The following DHX15 variants were observed in gnomAD, a reference collection of about 807,000 sequenced individuals.
The protein encoded by DHX15 is DEAH-box helicase 15, also known as ATP-dependent RNA helicase DHX15.
Under a neutral mutation model 94.4 loss-of-function variants are expected in DHX15, and 11 were observed. That is an observed-to-expected ratio of 0.12 (90% CI 0.07 to 0.19). DHX15 has a LOEUF of 0.19. Among genes scored for constraint, DHX15 ranks in the 10% least tolerant of loss-of-function variants. The pLI is 1.00. For missense variants in DHX15, 304 were observed against 988.5 expected (o/e 0.31, Z 9.29); for synonymous variants, 338 against 329.9 (o/e 1.02, Z -0.27).
At chr4:24,533,971 T>C (rs992937181) in intron 11 of DHX15, 27 of 152,256 alleles carry the variant, frequency 1.8e-4, no homozygotes, top group Admixed American at 1.4e-3. Context: ...CTACCAGTTA[T>C]AGTGTATAAC....
At chr4:24,553,060 C>T (rs1196857967) in intron 5 of DHX15, among the ~76,000 whole-genome samples, 1 of 152,202 alleles carries the variant, frequency 6.6e-6, no homozygotes, top group Admixed American at 6.5e-5. Context: ...CAGTGGCTCA[C>T]GCCTGTAATC....
At chr4:24,583,023 A>C (rs1216362688) in intron 1 of DHX15, among the ~76,000 whole-genome samples, 1 of 152,182 alleles carries the variant, frequency 6.6e-6, no homozygotes, top group Non-Finnish European at 1.5e-5. Flanking sequence ...CCTGGCTTAT[A>C]CTCTACAATG....
Position 24,540,126 on chromosome 4 carries a change from T to C in DHX15, c.1768A>G (p.Ile590Val), listed in dbSNP as rs1040977788. The C allele has an allele frequency of 6.9e-6, 11 of 1,596,350 alleles. No individual in the cohort carries two copies. Among genetic ancestry groups the C allele is most frequent in the Non-Finnish European group, 9.4e-6 (11 of 1,171,184 alleles). The change falls in exon 10 of 14, where the codon ATT (isoleucine) becomes GTT (valine). Residue 590 changes from isoleucine to valine, a missense_variant. Ile to Val is a conservative substitution (Grantham distance 29, BLOSUM62 3). Transcript: ENST00000336812. The part of the protein sequence containing the change: ...DYNCSNEVLS[I>V]TAMLSVPQCF... ...CTATTACCTGACAACATAGCAGTAA[T>C]AGATAGGACCTCATTAGAACAGTTG... is the stretch of plus-strand genomic sequence containing the variant.
intron 3 of DHX15, among the ~76,000 whole-genome samples, chr4:24,562,832 C>A (rs948547446): frequency 6.6e-6 from 1 of 152,116 alleles, no homozygotes; most frequent in South Asian, 2.1e-4. Context: ...GAATCTTTCA[C>A]ACACACAGAA....
Position 24,537,224 on chromosome 4 carries a change from C to T in DHX15, c.1787-51G>A, listed in dbSNP as rs767334764. ...CACAAACGCCCATATCGATGAGTCA[C>T]GCATTCACAGATAGAGGAACAAGGC... is the stretch of plus-strand genomic sequence containing the variant. On this transcript the variant is annotated intron_variant, in intron 10 of 13. Coordinates refer to ENST00000336812, the MANE Select transcript of DHX15 (RefSeq NM_001358.3). The surrounding 1 kb of genome is among the most constrained non-coding windows in gnomAD (Gnocchi z 4.7). The T allele has an allele frequency of 1.9e-6, 3 of 1,608,822 alleles. No homozygotes were observed. Among genetic ancestry groups the T allele is most frequent in the South Asian group, 1.1e-5 (1 of 90,406 alleles).
chr4:24,537,390 G>A lies in DHX15; in HGVS notation c.1787-217C>T, dbSNP rs760743986. The A allele has an allele frequency of 2.2e-6, 1 of 455,402 alleles. No homozygotes were observed. The highest frequency in any genetic ancestry group is 2.0e-5 in the African/African-American group (1 of 49,624). The allele number at this position is 455,402 out of a possible 1,614,324, so 28.2% of individuals were successfully genotyped here. ...AGGGTTTCAAAGCTACAGAGTACCT[G>A]ATTATTTTAACTAGATCTAAAAGTA... On this transcript the variant is annotated intron_variant, in intron 10 of 13. Coordinates refer to ENST00000336812, the MANE Select transcript of DHX15 (RefSeq NM_001358.3). The surrounding 1 kb of genome is among the most constrained non-coding windows in gnomAD (Gnocchi z 4.7).
intron 5 of DHX15, among the ~76,000 whole-genome samples, chr4:24,553,278 G>A (rs913498244): frequency 6.6e-6 from 1 of 151,602 alleles, no homozygotes; most frequent in Non-Finnish European, 1.5e-5. Context: ...CCGAGATCGC[G>A]CCACTGCACT....
chr4:24,570,106 G>A (rs1197171670), intron 3 of DHX15, among the ~76,000 whole-genome samples: 5 of 152,196 alleles, frequency 3.3e-5, no homozygotes, highest in South Asian at 2.1e-4. Flanking sequence ...ACATTAGAAA[G>A]CTCAATACAG....
intron 7 of DHX15, among the ~76,000 whole-genome samples, chr4:24,542,254 C>T (rs1277857982): frequency 6.6e-6 from 1 of 152,122 alleles, no homozygotes; most frequent in Non-Finnish European, 1.5e-5. Context: ...GTCAAACACA[C>T]AGCTTATATA....
At chr4:24,555,974 G>A (rs1721730648) in intron 4 of DHX15, among the ~76,000 whole-genome samples, 1 of 152,158 alleles carries the variant, frequency 6.6e-6, no homozygotes, top group Non-Finnish European at 1.5e-5. Context: ...GAAGGGTACA[G>A]TGAGTAGCAC....
chr4:24,562,924 T>C (rs1721914826), intron 3 of DHX15, among the ~76,000 whole-genome samples: 1 of 152,148 alleles, frequency 6.6e-6, no homozygotes, highest in African/African-American at 2.4e-5. Flanking sequence ...TGTCTTAAAT[T>C]CCAGAAAAAC....
intron 11 of DHX15, among the ~76,000 whole-genome samples, chr4:24,534,622 TAG>T (rs1387563849): frequency 2.6e-5 from 4 of 152,162 alleles, no homozygotes; most frequent in African/African-American, 9.7e-5. Context: ...GTCTGATTTT[TAG>T]AGAGAAATCT....
intron 11 of DHX15, among the ~76,000 whole-genome samples, chr4:24,536,566 C>T (rs549615914): frequency 1.6e-4 from 25 of 152,224 alleles, no homozygotes; most frequent in African/African-American, 6.0e-4. Flanking sequence ...CTTGGGCTAA[C>T]AGTAGAGCTG....
chr4:24,549,859 C>T (rs1209746674), intron 5 of DHX15, among the ~76,000 whole-genome samples: 3 of 151,756 alleles, frequency 2.0e-5, no homozygotes, highest in Non-Finnish European at 2.9e-5. Context: ...TTTGGGAGGC[C>T]GAGGTGGGCG....
At chr4:24,533,524 C>T (rs1293084231) in intron 11 of DHX15, 2 of 160,436 alleles carry the variant, frequency 1.2e-5, no homozygotes, top group African/African-American at 4.8e-5. Context: ...TTTATTGCGA[C>T]ACACGTGTCT....
At chr4:24,569,219 ATAAAT>A (rs1456160197) in intron 3 of DHX15, among the ~76,000 whole-genome samples, 1 of 152,246 alleles carries the variant, frequency 6.6e-6, no homozygotes, top group Non-Finnish European at 1.5e-5. Flanking sequence ...GGACAGGGAA[ATAAAT>A]TAAGATTGGA....
intron 2 of DHX15, among the ~76,000 whole-genome samples, chr4:24,572,056 T>C (rs1471279492): frequency 6.6e-6 from 1 of 152,230 alleles, no homozygotes; most frequent in Non-Finnish European, 1.5e-5. Context: ...TTCAAAGATC[T>C]AGAAAGTGAA....
Position 24,527,937 on chromosome 4 carries a change from TA to T in DHX15, c.2374del (p.Tyr792IlefsTer9), listed in dbSNP as rs762778948. On this transcript the variant is annotated frameshift_variant, in exon 14 of 14. Transcript: ENST00000336812. LOFTEE classifies it high-confidence loss of function. ...RIIAKLQSKE[Y>X]SQY The stretch of plus-strand genomic sequence containing the variant: ...TAAGCACTGAATTCAGTACTGTGAA[TA>T]TTCCTTGGATTGAAGTTTGGCAATG... 4.3e-6 allele frequency: 7 copies of T among 1,611,610 alleles called. No individual in the cohort carries two copies. The Admixed American group carries it at 1.2e-4, about 27-fold the overall frequency.
chr4:24,530,238 G>C (rs1188001379), intron 12 of DHX15: 1 of 183,902 alleles, frequency 5.4e-6, no homozygotes, highest in Non-Finnish European at 1.1e-5. Context: ...TCTAGAGCAG[G>C]CTCTTCAGCA....
Sources: gnomAD v4.1 joint callset for allele counts (sites outside exome capture counted in the v4.1 genomes callset) on GRCh38, gnomAD v4.1.1 for gene constraint, Gnocchi (gnomAD v3.1) non-coding constraint, MANE v1.5 for transcripts, NCBI Gene and HGNC (gene_info 2026-07-23, HGNC 2026-07-21) for gene names.